PPP1R21: variants seen among roughly 807,000 people sequenced by gnomAD.
PPP1R21 encodes the protein protein phosphatase 1 regulatory subunit 21.
In PPP1R21, 85 loss-of-function variants were observed where a neutral mutation model predicts 112.8. The observed-to-expected ratio is 0.75, with a 90% CI of 0.63 to 0.90. The LOEUF (loss-of-function observed/expected upper bound fraction) is 0.90. Ranked by LOEUF, PPP1R21 falls within the 40% of genes least tolerant of loss-of-function variation. PPP1R21 has a pLI of 0.00. For synonymous variants in PPP1R21, 381 were observed against 322.3 expected (o/e 1.18, Z -1.95); for missense variants, 1,199 against 901.5 (o/e 1.33, Z -4.23).
At chr2:48,462,872 G>A (rs1668037054) in intron 7 of PPP1R21, among the ~76,000 whole-genome samples, 1 of 152,176 alleles carries the variant, frequency 6.6e-6, no homozygotes, top group Admixed American at 6.5e-5. Flanking sequence ...TACTATTGTG[G>A]AGGCTTAGCC....
chr2:48,464,733 G>A (rs974804484), intron 7 of PPP1R21, among the ~76,000 whole-genome samples: 8 of 151,930 alleles, frequency 5.3e-5, no homozygotes, highest in Non-Finnish European at 5.9e-5. Context: ...TTTTTTTTAA[G>A]CCTGAAGTTA....
intron 17 of PPP1R21, among the ~76,000 whole-genome samples, chr2:48,502,885 T>C (rs1670188618): frequency 6.6e-6 from 1 of 152,072 alleles, no homozygotes; most frequent in Non-Finnish European, 1.5e-5. Flanking sequence ...TTTCACTTTG[T>C]TAGCCAGGAT....
chr2:48,445,581 G>T (rs916251328), intron 1 of PPP1R21, among the ~76,000 whole-genome samples: 1 of 152,046 alleles, frequency 6.6e-6, no homozygotes, highest in African/African-American at 2.4e-5. Flanking sequence ...ACCACACTTG[G>T]GACAAGGCCC....
intron 12 of PPP1R21, chr2:48,479,614 T>C (rs909382520): frequency 1.8e-6 from 1 of 553,854 alleles, no homozygotes. Context: ...AAATGCATTA[T>C]ATAATAACAA....
intron 21 of PPP1R21, among the ~76,000 whole-genome samples, chr2:48,512,730 T>C (rs1670697016): frequency 6.6e-6 from 1 of 152,362 alleles, no homozygotes; most frequent in East Asian, 1.9e-4. Context: ...CTGGGCTGTT[T>C]CTGTGATTAT....
intron 15 of PPP1R21, among the ~76,000 whole-genome samples, chr2:48,491,651 C>T (rs1669569538): frequency 6.6e-6 from 1 of 151,996 alleles, no homozygotes; most frequent in South Asian, 2.1e-4. Flanking sequence ...TTTTAGAAAA[C>T]AATATATTTA....
intron 13 of PPP1R21, among the ~76,000 whole-genome samples, chr2:48,485,636 A>G (rs1159952936): frequency 6.6e-6 from 1 of 151,680 alleles, no homozygotes; most frequent in Non-Finnish European, 1.5e-5. Context: ...GTTAGTGAAA[A>G]TAATCTCATT....
rs187222486 is a variant in PPP1R21, at chr2:48,472,550, T to A, written c.1088+1183T>A. ...CTGAGGCAGGAGAATCACTTGAACC[T>A]GGGAGGCGGAGGTTGCAGTGAGCCA... On this transcript the variant is annotated intron_variant, in intron 11 of 21. Coordinates refer to ENST00000294952, the MANE Select transcript of PPP1R21 (RefSeq NM_001135629.3). Among the ~76,000 whole-genome samples the A allele has an allele frequency of 3.2e-3, 490 of 151,020 alleles. 1 individual carries two copies. The highest frequency in any genetic ancestry group is 4.6e-3 in the Non-Finnish European group (312 of 67,828).
chr2:48,499,366 C>T (rs1669996223), intron 17 of PPP1R21, among the ~76,000 whole-genome samples: 1 of 152,134 alleles, frequency 6.6e-6, no homozygotes, highest in African/African-American at 2.4e-5. Flanking sequence ...TCCATAAAAA[C>T]ATTTGTAATA....
intron 13 of PPP1R21, among the ~76,000 whole-genome samples, chr2:48,483,951 G>A (rs181517001): frequency 5.7e-4 from 86 of 152,188 alleles, no homozygotes; most frequent in Non-Finnish European, 1.5e-4. Context: ...GTCTCCCAAA[G>A]TGCTGGGATT....
At chr2:48,481,528 A>G (rs1246987377) in intron 13 of PPP1R21, among the ~76,000 whole-genome samples, 1 of 152,228 alleles carries the variant, frequency 6.6e-6, no homozygotes, top group African/African-American at 2.4e-5. Flanking sequence ...ACGTAGAACC[A>G]GTTTGAAACC....
intron 21 of PPP1R21, among the ~76,000 whole-genome samples, chr2:48,513,919 C>T (rs904311976): frequency 2.6e-5 from 4 of 152,082 alleles, no homozygotes; most frequent in Non-Finnish European, 5.9e-5. Context: ...TGGAATAAGT[C>T]ATCTTCTCTC....
intron 7 of PPP1R21, among the ~76,000 whole-genome samples, chr2:48,463,957 G>A (rs1284734928): frequency 6.6e-6 from 1 of 152,232 alleles, no homozygotes; most frequent in East Asian, 1.9e-4. Context: ...AACAGAAAAG[G>A]TTTGGGATAG....
At chr2:48,447,748 A>G (rs569067673) in intron 1 of PPP1R21, among the ~76,000 whole-genome samples, 4 of 152,262 alleles carry the variant, frequency 2.6e-5, no homozygotes, top group African/African-American at 9.6e-5. Context: ...CAGGAGTTCA[A>G]GACCAGCCTG....
chr2:48,451,222 A>G, intron 2 of PPP1R21, 146 bp downstream of exon 2: 5 of 623,110 alleles, frequency 8.0e-6, no homozygotes, highest in Non-Finnish European at 1.2e-5. Flanking sequence ...TTTTGTGGTT[A>G]ATTTTCCTAC....
intron 17 of PPP1R21, among the ~76,000 whole-genome samples, chr2:48,502,746 T>C (rs1670180042): frequency 6.8e-6 from 1 of 146,098 alleles, no homozygotes; most frequent in South Asian, 2.2e-4. Context: ...AGTGGTGCGA[T>C]CTCCACTCAC....
chr2:48,481,435 A>T (rs376599861), intron 13 of PPP1R21, among the ~76,000 whole-genome samples: 7 of 152,362 alleles, frequency 4.6e-5, no homozygotes, highest in African/African-American at 1.7e-4. Context: ...GAAAAATCCA[A>T]GAGATGGTGC....
At chr2:48,482,430 A>G (rs540107071) in intron 13 of PPP1R21, among the ~76,000 whole-genome samples, 1 of 152,198 alleles carries the variant, frequency 6.6e-6, no homozygotes, top group African/African-American at 2.4e-5. Context: ...TCTTGAGGGA[A>G]AAGTACATGT....
At chr2:48,441,235 G>C (rs1667014883) in intron 1 of PPP1R21, 6 of 585,980 alleles carry the variant, frequency 1.0e-5, no homozygotes, top group South Asian at 6.3e-5. Flanking sequence ...GGGAGAAGCT[G>C]GAGTTTGATT....
Sources: allele counts gnomAD v4.1 joint callset (sites outside exome capture counted in the v4.1 genomes callset), GRCh38; gene constraint gnomAD v4.1.1; transcripts MANE v1.5; gene names NCBI Gene and HGNC (gene_info 2026-07-23, HGNC 2026-07-21).